Variants in RNLS observed in about 807,000 individuals in gnomAD.
The protein encoded by RNLS is renalase.
In RNLS, 39 loss-of-function variants were observed where a neutral mutation model predicts 39.8. The observed-to-expected ratio is 0.98, with a 90% confidence interval of 0.76 to 1.28. The LOEUF (loss-of-function observed/expected upper bound fraction) is 1.28. RNLS is among the 50% of genes most tolerant of loss of function. The pLI is 0.00. For synonymous variants in RNLS, 147 were observed against 150.7 expected, an observed-to-expected ratio of 0.98 and a Z score of 0.18; for missense variants, 410 against 413.3, an observed-to-expected ratio of 0.99 and a Z score of 0.07.
the RNLS span, among the ~76,000 whole-genome samples, chr10:88,207,054 T>C: frequency 6.6e-6 from 1 of 152,144 alleles, no homozygotes; most frequent in Admixed American, 6.6e-5. Context: ...AAAATTGATT[T>C]TTAGCATTTT....
At chr10:88,382,309 T>C (rs1385950114) in intron 4 of RNLS, among the ~76,000 whole-genome samples, 1 of 152,142 alleles carries the variant, frequency 6.6e-6, no homozygotes, top group Non-Finnish European at 1.5e-5. Context: ...CTATTGTGCA[T>C]GACACTTTGG....
intron 6 of RNLS, among the ~76,000 whole-genome samples, chr10:88,286,864 C>T (rs983675122): frequency 1.3e-5 from 2 of 151,444 alleles, no homozygotes; most frequent in Non-Finnish European, 2.9e-5. Flanking sequence ...ATGATCATAG[C>T]TCACTGCACT....
At chr10:88,391,530 C>A (rs531261707) in intron 4 of RNLS, among the ~76,000 whole-genome samples, 3 of 152,192 alleles carry the variant, frequency 2.0e-5, no homozygotes, top group South Asian at 4.2e-4. Context: ...TGCACTCCAG[C>A]CTGGCGACAG....
the RNLS span, among the ~76,000 whole-genome samples, chr10:88,181,652 G>T: frequency 6.6e-6 from 1 of 152,144 alleles, no homozygotes; most frequent in Non-Finnish European, 1.5e-5. Context: ...GGGTAAGTAT[G>T]CATCAGTGGT....
the RNLS span, among the ~76,000 whole-genome samples, chr10:88,222,968 T>C: frequency 3.3e-5 from 5 of 152,250 alleles, no homozygotes; most frequent in East Asian, 9.6e-4. Context: ...GAAAATACTC[T>C]TGTGAGAGCA....
chr10:88,190,217 GC>G, the RNLS span, among the ~76,000 whole-genome samples: 1 of 152,244 alleles, frequency 6.6e-6, no homozygotes, highest in Admixed American at 6.5e-5. Context: ...CTGGTGGTCT[GC>G]TGTGATGCAG....
At chr10:88,291,507 A>T (rs929917753) in intron 6 of RNLS, among the ~76,000 whole-genome samples, 3 of 152,188 alleles carry the variant, frequency 2.0e-5, no homozygotes, top group African/African-American at 7.2e-5. Context: ...CTCCTGACAG[A>T]CATCACTAAT....
chr10:88,457,999 A>C (rs1051461249), intron 4 of RNLS, among the ~76,000 whole-genome samples: 16 of 152,196 alleles, frequency 1.1e-4, no homozygotes, highest in African/African-American at 3.9e-4. Context: ...CCTTGAAAAC[A>C]ATGCCCCATT....
chr10:88,450,796 G>A (rs1253356649), intron 4 of RNLS, among the ~76,000 whole-genome samples: 2 of 152,182 alleles, frequency 1.3e-5, no homozygotes, highest in African/African-American at 4.8e-5. Flanking sequence ...AGGTTTATGT[G>A]CAAAGATATA....
intron 4 of RNLS, among the ~76,000 whole-genome samples, chr10:88,507,525 C>T (rs1186083469): frequency 6.6e-6 from 1 of 152,096 alleles, no homozygotes; most frequent in African/African-American, 2.4e-5. Context: ...ATATTTAAAG[C>T]CCATGATTTA....
intron 4 of RNLS, among the ~76,000 whole-genome samples, chr10:88,475,335 G>T (rs141681073): frequency 6.6e-6 from 1 of 152,134 alleles, no homozygotes; most frequent in Non-Finnish European, 1.5e-5. Context: ...GAGTGTTCTG[G>T]CTAAAAATAA....
chr10:88,208,983 A>G, the RNLS span, among the ~76,000 whole-genome samples: 2 of 152,108 alleles, frequency 1.3e-5, no homozygotes, highest in Admixed American at 6.6e-5. Context: ...AACCTAAAGA[A>G]CATATACACA....
intron 5 of RNLS, 55 bp downstream of exon 5, chr10:88,362,497 A>G (rs940823391): frequency 6.8e-6 from 10 of 1,473,172 alleles, no homozygotes; most frequent in Non-Finnish European, 9.2e-6. Flanking sequence ...AGCATTTTTC[A>G]TGATCTACAC....
chr10:88,247,217 A>T, the RNLS span, among the ~76,000 whole-genome samples: 1 of 152,224 alleles, frequency 6.6e-6, no homozygotes, highest in Non-Finnish European at 1.5e-5. Context: ...AAGGGCAGAA[A>T]TGCACACAAA....
chr10:88,572,725 A>G (rs548181186), intron 4 of RNLS, among the ~76,000 whole-genome samples, 178 bp downstream of exon 4: 59 of 152,220 alleles, frequency 3.9e-4, no homozygotes, highest in Non-Finnish European at 7.2e-4. Context: ...AAAACATTCT[A>G]TGGGTTTCAC....
At chr10:88,575,206 A>G (rs11595396) in intron 3 of RNLS, among the ~76,000 whole-genome samples, 153 of 31,338 alleles carry the variant, frequency 4.9e-3, no homozygotes, top group South Asian at 0.016. Flanking sequence ...CTATATATAT[A>G]TGTGTGTGTA....
At chr10:88,346,338 T>C (rs1448024650) in intron 5 of RNLS, among the ~76,000 whole-genome samples, 2 of 152,170 alleles carry the variant, frequency 1.3e-5, no homozygotes, top group Non-Finnish European at 2.9e-5. Flanking sequence ...GTAAAACTGT[T>C]GCTAAGAATA....
chr10:88,564,777 A>G (rs992370936), intron 4 of RNLS, among the ~76,000 whole-genome samples: 6 of 152,220 alleles, frequency 3.9e-5, no homozygotes, highest in African/African-American at 1.4e-4. Context: ...ACAATATGAT[A>G]CATGAGGTTT....
chr10:88,172,842 GTTTTTTTTTTTTTT>G, the RNLS span, among the ~76,000 whole-genome samples: 50 of 43,778 alleles, frequency 1.1e-3, 2 homozygotes, highest in African/African-American at 4.1e-3. Flanking sequence ...ATTTTGAGTT[GTTTTTTTTTTTTTT>G]TTTTTTTTTT....
Sources: gnomAD v4.1 joint callset for allele counts (sites outside exome capture counted in the v4.1 genomes callset) on GRCh38, gnomAD v4.1.1 for gene constraint, MANE v1.5 for transcripts, NCBI Gene and HGNC (gene_info 2026-07-23, HGNC 2026-07-21) for gene names.